ORM1: variants seen among roughly 807,000 people sequenced by gnomAD.
The protein encoded by ORM1 is alpha-1-acid glycoprotein 1.
Under a neutral mutation model 26.9 loss-of-function variants are expected in ORM1, and 13 were observed. The observed-to-expected ratio is 0.48, with a 90% CI of 0.31 to 0.77. The LOEUF (loss-of-function observed/expected upper bound fraction) is 0.77. Ranked by LOEUF, ORM1 falls within the 30% of genes least tolerant of loss-of-function variation. The pLI is 0.04. For synonymous variants in ORM1, 76 were observed against 102.2 expected, an observed-to-expected ratio of 0.74 and a Z score of 1.55; for missense variants, 189 against 246.8, an observed-to-expected ratio of 0.77 and a Z score of 1.57.
chr9:114,325,407 G>A (rs1356681408), intron 5 of ORM1, among the ~76,000 whole-genome samples: 1 of 151,854 alleles, frequency 6.6e-6, no homozygotes, highest in African/African-American at 2.4e-5. Context: ...CGTGAGCCAC[G>A]GGGTTGGGGG....
chr9:114,325,543 G>C (rs2131725260), intron 5 of ORM1, among the ~76,000 whole-genome samples: 1 of 152,014 alleles, frequency 6.6e-6, no homozygotes, highest in Non-Finnish European at 1.5e-5. Flanking sequence ...AATTGATACT[G>C]TGGTTTTCAA....
At position 114,324,867 on chromosome 9, in the gene ORM1, G is replaced by A. The variant is rs199956795; in HGVS notation, c.406G>A (p.Asp136Asn). The change falls in exon 4 of 6, where the codon GAT (aspartate) becomes AAT (asparagine). Residue 136 changes from aspartate (D) to asparagine (N), a missense_variant. This residue lies in a region of ORM1 where 163 missense variants were observed against 157.7 expected (regional missense o/e 1.03). Transcript: ENST00000259396. Reference protein sequence around the residue: ...KTYMLAFDVNDEKNWGLSVYA... With the variant: ...KTYMLAFDVNNEKNWGLSVYA... ...CTACATGCTTGCTTTTGACGTGAACGATGAGAAGAACTGGGGGCTGTCTGT... is the reference window on the plus strand; with the variant it reads ...CTACATGCTTGCTTTTGACGTGAACAATGAGAAGAACTGGGGGCTGTCTGT... 108 of 1,613,992 alleles carry A rather than the reference G, an allele frequency of 6.7e-5. No individual in the cohort carries two copies. The highest frequency in any genetic ancestry group is 3.3e-4 in the Middle Eastern group (2 of 6,084).
rs3182034 is a variant in ORM1 at position 114,325,111 on chromosome 9, C to G, written c.499C>G (p.Arg167Gly). ...GEFYEALDCL[R>G]IPKSDVVYTD... ...GTTCTACGAAGCTCTCGACTGCTTGCGCATTCCCAAGTCAGATGTCGTGTA... is the reference window on the plus strand; with the variant it reads ...GTTCTACGAAGCTCTCGACTGCTTGGGCATTCCCAAGTCAGATGTCGTGTA... The change falls in exon 5 of 6, where the codon CGC (arginine) becomes GGC (glycine). Residue 167 changes from arginine to glycine, a missense_variant. Transcript: ENST00000259396. 10 of 1,613,640 alleles carry G rather than the reference C, an allele frequency of 6.2e-6. No individual in the cohort carries two copies. The highest frequency in any genetic ancestry group is 7.6e-6 in the Non-Finnish European group (9 of 1,179,770).
Position 114,325,127 on chromosome 9 carries a change from A to T in ORM1, c.515A>T (p.Asp172Val). 1 of 1,614,036 alleles carries T rather than the reference A, an allele frequency of 6.2e-7. No homozygotes were observed. Among genetic ancestry groups the T allele is most frequent in the African/African-American group, 1.3e-5 (1 of 75,060 alleles). ...ALDCLRIPKS[D>V]VVYTDWKKDK... ...GACTGCTTGCGCATTCCCAAGTCAG[A>T]TGTCGTGTACACCGATTGGAAAAAG... The change falls in exon 5 of 6, where the codon GAT becomes GTT. Residue 172 changes from aspartate to valine, a missense_variant. This residue lies in a region of ORM1 where 163 missense variants were observed against 157.7 expected (regional missense o/e 1.03). Coordinates refer to ENST00000259396, the MANE Select transcript of ORM1 (RefSeq NM_000607.4).
rs2131723736 is a variant in ORM1 at position 114,323,784 on chromosome 9, T to G, written c.236T>G (p.Phe79Cys). 1.2e-6 allele frequency: 2 copies of G among 1,614,070 alleles called. No homozygotes were observed. The highest frequency in any genetic ancestry group is 2.2e-5 in the East Asian group (1 of 44,850). Residue 79 changes from phenylalanine to cysteine, a missense_variant, in exon 2 of 6, where the codon TTT becomes TGT. Around this residue, in one of 3 missense-constraint regions of ORM1, gnomAD observed 163 missense variants for 157.7 expected, o/e 1.03. Transcript: ENST00000259396. ...CCCAACAAGACAGAGGACACGATCT[T>G]TCTCAGAGAGTACCAGACCCGGTGA... is the stretch of plus-strand genomic sequence containing the variant. Reference protein sequence around the residue: ...FTPNKTEDTIFLREYQTRQDQ... With the variant: ...FTPNKTEDTICLREYQTRQDQ...
At position 114,326,259 on chromosome 9, in the gene ORM1, T is replaced by A. The variant is rs1482376407; in HGVS notation, c.541-33T>A. 2.5e-6 allele frequency: 4 copies of A among 1,589,574 alleles called. No homozygotes were observed. In the African/African-American group the frequency reaches 5.6e-5, roughly 22 times the overall value. On this transcript the variant is annotated intron_variant, in intron 5 of 5. Coordinates refer to ENST00000259396, the MANE Select transcript of ORM1 (RefSeq NM_000607.4). ...CCCACCCTGTCCCCATGCCTCTGCT[T>A]CTCCCTCACCCCAATTCCCCGCTGC...
At chr9:114,324,991 C>G (rs1415193011) in intron 4 of ORM1, 58 bp from the exon 5 acceptor site, 1 of 1,596,134 alleles carries the variant, frequency 6.3e-7, no homozygotes, top group African/African-American at 1.3e-5. Flanking sequence ...CCCAGCCCTC[C>G]CTGGCCTCCC....
intron 3 of ORM1, 36 bp from the exon 4 acceptor site, chr9:114,324,754 C>T (rs1346155245): frequency 6.5e-7 from 1 of 1,527,632 alleles, no homozygotes; most frequent in South Asian, 1.1e-5. Context: ...TTGTGCCATC[C>T]CATGTTCTCA....
In ORM1 at chr9:114,326,337, C is replaced by G. The variant is rs1564606042; in HGVS notation, c.586C>G (p.Gln196Glu). The G allele has an allele frequency of 1.9e-6, 3 of 1,577,890 alleles. No homozygotes were observed. The highest frequency in any genetic ancestry group is 2.6e-6 in the Non-Finnish European group (3 of 1,163,922). ...LEKQHEKERK[Q>E]EEGES is the part of the protein sequence containing the mutation. ...GAAGCAGCACGAGAAGGAGAGGAAA[C>G]AGGAGGAGGGGGAATCCTAGCAGGA... Residue 196 changes from glutamine (Q) to glutamate (E), a missense_variant, in exon 6 of 6, where the codon CAG (glutamine) becomes GAG (glutamate). By Grantham distance (29) the Gln-to-Glu change is conservative. Coordinates refer to ENST00000259396, the MANE Select transcript of ORM1 (RefSeq NM_000607.4).
At chr9:114,324,717 G>A (rs1003468004) in intron 3 of ORM1, 73 bp from the exon 4 acceptor site, 2 of 1,243,282 alleles carry the variant, frequency 1.6e-6, no homozygotes, top group East Asian at 2.3e-5. Context: ...ACACACCTAG[G>A]CCTCCTCACC....
At chr9:114,323,438 C>T (rs564502705) in intron 1 of ORM1, 191 bp downstream of exon 1, 1 of 828,498 alleles carries the variant, frequency 1.2e-6, no homozygotes, top group East Asian at 2.7e-5. Context: ...ACACAGAAGC[C>T]TCACTGCAGA....
At position 114,324,026 on chromosome 9, in the gene ORM1, A is replaced by C. The variant is rs1829727811; in HGVS notation, c.266A>C (p.Gln89Pro). ...CTTCTGTTTGGCTTTAGACAGGACC[A>C]GTGCATCTATAACACCACCTACCTG... ...FLREYQTRQDQCIYNTTYLNV... is the reference protein window; with the variant it reads ...FLREYQTRQDPCIYNTTYLNV... The change falls in exon 3 of 6, where the codon CAG (glutamine) becomes CCG (proline). Residue 89 changes from glutamine to proline, a missense_variant. Gln to Pro is a moderately conservative substitution (Grantham distance 76). Coordinates refer to ENST00000259396, the MANE Select transcript of ORM1 (RefSeq NM_000607.4). The C allele has an allele frequency of 1.2e-6, 2 of 1,614,042 alleles. No homozygotes were observed. Among genetic ancestry groups the C allele is most frequent in the African/African-American group, 2.7e-5 (2 of 75,006 alleles).
Position 114,324,096 on chromosome 9 carries a change from C to G in ORM1, c.328+8C>G, listed in dbSNP as rs1052780138. 7 of 1,613,438 alleles carry G rather than the reference C, an allele frequency of 4.3e-6. No homozygotes were observed. Among genetic ancestry groups the G allele is most frequent in the Non-Finnish European group, 5.9e-6 (7 of 1,179,458 alleles). On this transcript the variant is annotated splice_region_variant and intron_variant, in intron 3 of 5. Coordinates refer to ENST00000259396, the MANE Select transcript of ORM1 (RefSeq NM_000607.4). ...GGACCATCTCCAGATACGGTGAGGG[C>G]CAGCCCTCAGGCAGGAGGGTTCACT...
chr9:114,325,117 C>A lies in ORM1; in HGVS notation c.505C>A (p.Pro169Thr), dbSNP rs375222345. ...CGAAGCTCTCGACTGCTTGCGCATT[C>A]CCAAGTCAGATGTCGTGTACACCGA... ...FYEALDCLRIPKSDVVYTDWK... is the reference protein window; with the variant it reads ...FYEALDCLRITKSDVVYTDWK... The change falls in exon 5 of 6, where the codon CCC becomes ACC. Residue 169 changes from proline (P) to threonine (T), a missense_variant. Physicochemically the swap from Pro to Thr is conservative, Grantham distance 38. Around this residue, in one of 3 missense-constraint regions of ORM1, gnomAD observed 163 missense variants for 157.7 expected, o/e 1.03. Transcript: ENST00000259396. The A allele has an allele frequency of 6.2e-7, 1 of 1,613,914 alleles. No individual in the cohort carries two copies. Among genetic ancestry groups the A allele is most frequent in the African/African-American group, 1.3e-5 (1 of 74,940 alleles).
intron 3 of ORM1, among the ~76,000 whole-genome samples, 188 bp downstream of exon 3, chr9:114,324,276 A>G (rs1829734167): frequency 6.6e-6 from 1 of 152,198 alleles, no homozygotes; most frequent in Non-Finnish European, 1.5e-5. Flanking sequence ...AGGAAAAAGA[A>G]GAACAGAGAC....
intron 2 of ORM1, 96 bp from the exon 3 acceptor site, chr9:114,323,922 T>C: frequency 6.2e-6 from 10 of 1,601,532 alleles, no homozygotes; most frequent in South Asian, 3.3e-5. Context: ...GGGCTGGCTT[T>C]AATCTCCACC....
rs572504188 is a variant in ORM1, at chr9:114,323,893, C to T, written c.257+88C>T. ...CCTCCTTCTTCCTGGCCTTGGCCTTCCCATGGGTGGAACCGGGAGGGCTGG... is the reference window on the plus strand; with the variant it reads ...CCTCCTTCTTCCTGGCCTTGGCCTTTCCATGGGTGGAACCGGGAGGGCTGG... On this transcript the variant is annotated intron_variant, in intron 2 of 5. Transcript: ENST00000259396. The T allele has an allele frequency of 5.0e-6, 8 of 1,605,102 alleles. No homozygotes were observed. In the East Asian group the frequency reaches 1.8e-4, roughly 36 times the overall value.
chr9:114,325,715 T>A (rs1829759010), intron 5 of ORM1, among the ~76,000 whole-genome samples: 1 of 152,216 alleles, frequency 6.6e-6, no homozygotes, highest in Non-Finnish European at 1.5e-5. Flanking sequence ...ACAGCACCGA[T>A]GAGCTGGTTC....
In ORM1 at chr9:114,323,233, G is replaced by A. The variant is rs141253635; in HGVS notation, c.100G>A (p.Ala34Thr). The A allele has an allele frequency of 1.9e-3, 3,104 of 1,591,884 alleles. 2 individuals are homozygous for A. In the African/African-American group the frequency reaches 0.029, roughly 15 times the overall value. ...CCTAGTACCGGTGCCCATCACCAAC[G>A]CCACCCTGGACCGGGTGAGTGCCTG... is the stretch of plus-strand genomic sequence containing the variant. Reference protein sequence around the residue: ...ANLVPVPITNATLDRITGKWF... With the variant: ...ANLVPVPITNTTLDRITGKWF... Residue 34 changes from alanine to threonine, a missense_variant, in exon 1 of 6, where the codon GCC becomes ACC. By Grantham distance (58) the Ala-to-Thr change is moderately conservative. Coordinates refer to ENST00000259396, the MANE Select transcript of ORM1 (RefSeq NM_000607.4).
Sources: allele counts gnomAD v4.1 joint callset (sites outside exome capture counted in the v4.1 genomes callset), GRCh38; gene constraint gnomAD v4.1.1; regional missense constraint gnomAD v4.1.1; transcripts MANE v1.5; gene names NCBI Gene and HGNC (gene_info 2026-07-23, HGNC 2026-07-21).